The following TAFA5 variants were observed in gnomAD, a reference collection of about 807,000 sequenced individuals.
TAFA5 encodes chemokine-like protein TAFA-5.
A neutral mutation model predicts 15.3 loss-of-function variants in TAFA5; 6 were observed. The observed-to-expected ratio is 0.39, with a 90% CI of 0.21 to 0.77. The LOEUF (loss-of-function observed/expected upper bound fraction) is 0.77, where lower values mean the gene tolerates loss of function less well. TAFA5 is among the 30% of genes least tolerant of loss of function. The pLI, the probability that TAFA5 is intolerant of heterozygous loss-of-function variation, is 0.41. For synonymous variants in TAFA5, 103 were observed against 80.7 expected, an observed-to-expected ratio of 1.28 and a Z score of -1.48; for missense variants, 161 against 193.1, an observed-to-expected ratio of 0.83 and a Z score of 0.98.
At chr22:48,720,806 G>A (rs1016354316) in intron 3 of TAFA5, among the ~76,000 whole-genome samples, 2 of 152,170 alleles carry the variant, frequency 1.3e-5, no homozygotes, top group African/African-American at 4.8e-5. Context: ...CACCTTCCAG[G>A]GCCTGGCTGT....
intron 2 of TAFA5, among the ~76,000 whole-genome samples, chr22:48,671,370 A>G (rs570770369): frequency 3.9e-5 from 6 of 152,294 alleles, no homozygotes; most frequent in Non-Finnish European, 8.8e-5. Flanking sequence ...CATTTCTGAC[A>G]TCTGGGGTGC....
intron 2 of TAFA5, among the ~76,000 whole-genome samples, chr22:48,652,410 G>A (rs1927086224): frequency 6.6e-6 from 1 of 151,740 alleles, no homozygotes; most frequent in African/African-American, 2.4e-5. Context: ...GGATAAGGAA[G>A]GCCCTGCTTC....
intron 2 of TAFA5, among the ~76,000 whole-genome samples, chr22:48,662,714 G>T (rs1285639978): frequency 2.0e-5 from 3 of 152,222 alleles, no homozygotes; most frequent in Admixed American, 1.3e-4. Context: ...AGGTCAGACT[G>T]GCAAGCCTGC....
intron 1 of TAFA5, among the ~76,000 whole-genome samples, chr22:48,643,653 C>A (rs1340738818): frequency 6.6e-6 from 1 of 152,212 alleles, no homozygotes; most frequent in African/African-American, 2.4e-5. Context: ...TGACTAGGCT[C>A]AGCAGCAGGG....
chr22:48,662,524 G>A (rs1223826208), intron 2 of TAFA5, among the ~76,000 whole-genome samples: 1 of 152,112 alleles, frequency 6.6e-6, no homozygotes, highest in Non-Finnish European at 1.5e-5. Context: ...CTCCAGTAGA[G>A]GTGTGAGACC....
intron 3 of TAFA5, among the ~76,000 whole-genome samples, chr22:48,725,069 A>G (rs1407044566): frequency 6.6e-6 from 1 of 152,248 alleles, no homozygotes; most frequent in Non-Finnish European, 1.5e-5. Context: ...TGACCTCCCA[A>G]AAGGGAGCAG....
intron 1 of TAFA5, among the ~76,000 whole-genome samples, chr22:48,523,260 G>C (rs907858363): frequency 6.6e-6 from 1 of 152,232 alleles, no homozygotes; most frequent in Non-Finnish European, 1.5e-5. Flanking sequence ...TGGCTTTGCC[G>C]TGGGACAGGG....
At chr22:48,567,217 C>T (rs1160747517) in intron 1 of TAFA5, among the ~76,000 whole-genome samples, 4 of 152,242 alleles carry the variant, frequency 2.6e-5, no homozygotes, top group Non-Finnish European at 5.9e-5. Context: ...CCCTGAGGGG[C>T]AGGCGGAGCC....
chr22:48,585,250 C>T (rs1161946397), intron 1 of TAFA5, among the ~76,000 whole-genome samples: 1 of 151,386 alleles, frequency 6.6e-6, no homozygotes, highest in African/African-American at 2.4e-5. Context: ...ACACAACATA[C>T]ATACACAGAT....
At chr22:48,611,312 C>G (rs1359400595) in intron 1 of TAFA5, among the ~76,000 whole-genome samples, 2 of 152,216 alleles carry the variant, frequency 1.3e-5, no homozygotes, top group Non-Finnish European at 2.9e-5. Flanking sequence ...TTCACCTGCT[C>G]CCCTTTCGCT....
chr22:48,678,545 G>A (rs774579405), intron 2 of TAFA5, among the ~76,000 whole-genome samples: 1 of 151,474 alleles, frequency 6.6e-6, no homozygotes, highest in Non-Finnish European at 1.5e-5. Context: ...GAGAGCTGGA[G>A]CAGGAAGAGG....
At chr22:48,615,523 C>A (rs1313403702) in intron 1 of TAFA5, among the ~76,000 whole-genome samples, 1 of 152,198 alleles carries the variant, frequency 6.6e-6, no homozygotes, top group Non-Finnish European at 1.5e-5. Flanking sequence ...ACTTTCAAGG[C>A]AGTCATTTCC....
intron 2 of TAFA5, among the ~76,000 whole-genome samples, chr22:48,659,567 G>A (rs1474902497): frequency 6.6e-6 from 1 of 152,262 alleles, no homozygotes; most frequent in Non-Finnish European, 1.5e-5. Context: ...GGAGGAGGCG[G>A]TGGCCAAGCT....
chr22:48,529,601 G>C (rs1439092662), intron 1 of TAFA5, among the ~76,000 whole-genome samples: 1 of 92,676 alleles, frequency 1.1e-5, no homozygotes, highest in Admixed American at 1.1e-4. Context: ...AGGAGATGGG[G>C]GTGTCAGGCA....
intron 1 of TAFA5, among the ~76,000 whole-genome samples, chr22:48,620,941 C>CACCT (rs1925799679): frequency 7.3e-5 from 2 of 27,326 alleles, no homozygotes; most frequent in South Asian, 3.1e-3. Flanking sequence ...TCCCCCCACC[C>CACCT]ACCCTATCTA....
chr22:48,535,939 C>T (rs1922145613), intron 1 of TAFA5, among the ~76,000 whole-genome samples: 1 of 152,256 alleles, frequency 6.6e-6, no homozygotes, highest in Non-Finnish European at 1.5e-5. Flanking sequence ...GCACACTGCA[C>T]ACACATTACA....
chr22:48,654,770 G>T (rs2147208850), intron 2 of TAFA5, among the ~76,000 whole-genome samples: 1 of 152,342 alleles, frequency 6.6e-6, no homozygotes, highest in South Asian at 2.1e-4. Flanking sequence ...AGGAGCTCCT[G>T]TGTGAATTTG....
intron 1 of TAFA5, among the ~76,000 whole-genome samples, chr22:48,596,834 G>A (rs997423362): frequency 6.6e-6 from 1 of 151,982 alleles, no homozygotes; most frequent in South Asian, 2.1e-4. Context: ...TTTGAGACAG[G>A]GTCTCCTTCT....
rs972120471 is a variant in TAFA5, at chr22:48,715,476, C to T, written c.390+7632C>T. ...GGAGGCGAGGAGGCTGGGGGTGGGG[C>T]GGGGCAGGGAGGTGAGGAGGCCAGG... On this transcript the variant is annotated intron_variant, in intron 3 of 3. Transcript: ENST00000402357. Among the ~76,000 whole-genome samples the T allele has an allele frequency of 4.7e-5, 7 of 149,042 alleles. No individual in the cohort carries two copies. The East Asian group carries it at 1.1e-3, about 23-fold the overall frequency.
Sources: gnomAD v4.1 joint callset for allele counts (sites outside exome capture counted in the v4.1 genomes callset) on GRCh38, gnomAD v4.1.1 for gene constraint, MANE v1.5 for transcripts, NCBI Gene and HGNC (gene_info 2026-07-23, HGNC 2026-07-21) for gene names.